LHPP: variants seen among roughly 807,000 people sequenced by gnomAD.
LHPP encodes hLHPP.
In LHPP, 24 loss-of-function variants were observed where a neutral mutation model predicts 30.3. The ratio of observed to expected loss-of-function variants is 0.79; its 90% CI spans 0.57 to 1.11. The LOEUF is 1.11. Ranked by LOEUF, LHPP falls within the 50% of genes most tolerant of loss-of-function variation. LHPP has a pLI of 0.00. For synonymous variants in LHPP, 150 were observed against 157.1 expected (o/e 0.95, Z 0.34); for missense variants, 356 against 367.2 (o/e 0.97, Z 0.25).
chr10:124,551,256 C>T (rs984833619), intron 6 of LHPP, among the ~76,000 whole-genome samples: 4 of 152,156 alleles, frequency 2.6e-5, no homozygotes, highest in Admixed American at 6.5e-5. Flanking sequence ...CCAGAGAGGC[C>T]CGATCCCATC....
intron 4 of LHPP, among the ~76,000 whole-genome samples, chr10:124,497,416 C>G (rs947161239): frequency 6.6e-6 from 1 of 152,158 alleles, no homozygotes; most frequent in East Asian, 1.9e-4. Context: ...TCATTCCTGA[C>G]CCTGGGCATC....
chr10:124,521,930 G>A (rs1366815677), intron 6 of LHPP, among the ~76,000 whole-genome samples: 1 of 152,246 alleles, frequency 6.6e-6, no homozygotes, highest in Non-Finnish European at 1.5e-5. Flanking sequence ...AGGCCGAGAG[G>A]TGGCTGAGGA....
intron 1 of LHPP, among the ~76,000 whole-genome samples, chr10:124,464,426 C>T (rs12261656): frequency 0.086 from 13,039 of 152,116 alleles, 1,597 homozygotes; most frequent in African/African-American, 0.27. Flanking sequence ...CAAACGGTCC[C>T]GCATAGTGAA....
chr10:124,610,065 A>G (rs113818694), intron 6 of LHPP, among the ~76,000 whole-genome samples: 5 of 152,188 alleles, frequency 3.3e-5, no homozygotes, highest in Non-Finnish European at 5.9e-5. Context: ...CAGTTTTCCA[A>G]TGTGGCCCGT....
At chr10:124,560,535 G>A (rs1206214808) in intron 6 of LHPP, among the ~76,000 whole-genome samples, 1 of 152,250 alleles carries the variant, frequency 6.6e-6, no homozygotes, top group African/African-American at 2.4e-5. Context: ...CCTGCTCAGG[G>A]AGCGCCGTGG....
intron 5 of LHPP, among the ~76,000 whole-genome samples, chr10:124,514,809 A>T (rs10901744): frequency 0.99 from 146,925 of 148,860 alleles, 72,510 homozygotes; most frequent in South Asian, 1. Context: ...TTTTTTTTTT[A>T]ATCTAATTTA....
At chr10:124,570,742 T>C (rs886863234) in intron 6 of LHPP, among the ~76,000 whole-genome samples, 1 of 152,262 alleles carries the variant, frequency 6.6e-6, no homozygotes, top group Non-Finnish European at 1.5e-5. Context: ...TGTGTCTGAC[T>C]CCATTCACTT....
At chr10:124,534,153 G>A (rs992960597) in intron 6 of LHPP, among the ~76,000 whole-genome samples, 4 of 152,194 alleles carry the variant, frequency 2.6e-5, no homozygotes, top group Admixed American at 6.5e-5. Flanking sequence ...TGAGTGTGAC[G>A]CAGGAGAGTC....
intron 6 of LHPP, among the ~76,000 whole-genome samples, chr10:124,569,793 T>C (rs1365527387): frequency 6.6e-6 from 1 of 152,190 alleles, no homozygotes; most frequent in East Asian, 1.9e-4. Flanking sequence ...ACAAGCAAGG[T>C]GTCTCTGTTC....
intron 1 of LHPP, among the ~76,000 whole-genome samples, chr10:124,475,197 AT>A (rs1952904792): frequency 6.6e-6 from 1 of 151,574 alleles, no homozygotes; most frequent in Non-Finnish European, 1.5e-5. Flanking sequence ...TAACTTTTGT[AT>A]TTTAAATAGA....
At position 124,478,857 on chromosome 10, in the gene LHPP, T is replaced by C. The variant is rs964668289; in HGVS notation, c.126-5282T>C. ...GCCGAGGCAGGTGGATCACTGGAGA[T>C]TGGGAGTTCAAGACCAGCCTGGGCA... On this transcript the variant is annotated intron_variant, in intron 1 of 6. Transcript: ENST00000368842. This position sits in a 1 kb window ranked among gnomAD's most constrained non-coding sequence, Gnocchi z 4.7. Among the ~76,000 whole-genome samples the C allele has an allele frequency of 1.6e-4, 25 of 152,186 alleles. No homozygotes were observed. The highest frequency in any genetic ancestry group is 6.0e-4 in the African/African-American group (25 of 41,540).
At chr10:124,583,789 T>A (rs1448200083) in intron 6 of LHPP, among the ~76,000 whole-genome samples, 2 of 152,160 alleles carry the variant, frequency 1.3e-5, no homozygotes, top group African/African-American at 4.8e-5. Flanking sequence ...ACCTCTAGCA[T>A]GGAGGATTAC....
chr10:124,611,266 A>G (rs1203506785), intron 6 of LHPP, among the ~76,000 whole-genome samples: 12 of 152,050 alleles, frequency 7.9e-5, no homozygotes, highest in Admixed American at 7.9e-4. Context: ...TCTCGAAAGA[A>G]CACAGGGCTG....
rs1002978482 is a variant in LHPP at position 124,590,022 on chromosome 10, C to T, written c.717-23242C>T. On this transcript the variant is annotated intron_variant, in intron 6 of 6. Coordinates refer to ENST00000368842, the MANE Select transcript of LHPP (RefSeq NM_022126.4). The surrounding 1 kb of genome is among the most constrained non-coding windows in gnomAD (Gnocchi z 4.3). ...GAAAGTTCTCTCCATCCCACCACTC[C>T]ACCGCCCCCCGCCCTTAGAAAAATA... Among the ~76,000 whole-genome samples, 1 of 152,202 alleles carries T rather than the reference C, an allele frequency of 6.6e-6. No homozygotes were observed. Among genetic ancestry groups the T allele is most frequent in the African/African-American group, 2.4e-5 (1 of 41,442 alleles).
At chr10:124,486,804 G>C (rs888850836) in intron 2 of LHPP, among the ~76,000 whole-genome samples, 1 of 152,254 alleles carries the variant, frequency 6.6e-6, no homozygotes, top group Non-Finnish European at 1.5e-5. Context: ...CAAGCTGTTA[G>C]CGTAAATGAT....
intron 1 of LHPP, among the ~76,000 whole-genome samples, chr10:124,470,307 CGGCGTTTTT>C (rs1564766315): frequency 6.6e-6 from 1 of 152,108 alleles, no homozygotes; most frequent in African/African-American, 2.4e-5. Flanking sequence ...AGGCCCGGCT[CGGCGTTTTT>C]GGAGCCGGCG....
Position 124,507,016 on chromosome 10 carries a change from G to A in LHPP, c.624+8888G>A, listed in dbSNP as rs1201821274. On this transcript the variant is annotated intron_variant, in intron 5 of 6. Transcript: ENST00000368842. ...GGGTAGGGAGGATTTCAGGTCGGGGGGTAGACAGGATTTCAGGTGAGGGGG... is the reference window on the plus strand; with the variant it reads ...GGGTAGGGAGGATTTCAGGTCGGGGAGTAGACAGGATTTCAGGTGAGGGGG... 1.3e-3 allele frequency among the ~76,000 whole-genome samples: 47 copies of A among 35,104 alleles called. 7 individuals are homozygous for A. Among genetic ancestry groups the A allele is most frequent in the African/African-American group, 3.9e-3 (35 of 9,068 alleles). 23.0% of individuals were successfully genotyped at this position (35,104 alleles called of 152,430 possible).
Position 124,528,444 on chromosome 10 carries a change from C to T in LHPP, c.716+11173C>T, listed in dbSNP as rs1190544916. Among the ~76,000 whole-genome samples, 8 of 152,170 alleles carry T rather than the reference C, an allele frequency of 5.3e-5. No homozygotes were observed. The East Asian group carries it at 1.4e-3, about 26-fold the overall frequency. On this transcript the variant is annotated intron_variant, in intron 6 of 6. Transcript: ENST00000368842. Reference sequence around the variant, plus strand: ...TGCGATCTTGGCTCATTGCAACCTCCGCCTCCCGGGTTCAAGGGATTCTCC... The same window carrying T: ...TGCGATCTTGGCTCATTGCAACCTCTGCCTCCCGGGTTCAAGGGATTCTCC...
chr10:124,508,704 A>G (rs1954225426), intron 5 of LHPP, among the ~76,000 whole-genome samples: 1 of 152,130 alleles, frequency 6.6e-6, no homozygotes, highest in South Asian at 2.1e-4. Flanking sequence ...TCAGGAAAGT[A>G]CAAGAAGAAA....
Sources: allele counts gnomAD v4.1 joint callset (sites outside exome capture counted in the v4.1 genomes callset), GRCh38; gene constraint gnomAD v4.1.1; non-coding constraint Gnocchi (gnomAD v3.1); transcripts MANE v1.5; gene names NCBI Gene and HGNC (gene_info 2026-07-23, HGNC 2026-07-21).